The following DSCAM variants were observed in gnomAD, a reference collection of about 807,000 sequenced individuals.
DSCAM encodes cell adhesion molecule DSCAM.
A neutral mutation model predicts 217.7 loss-of-function variants in DSCAM; 47 were observed. That is an observed-to-expected ratio of 0.22 (90% CI 0.17 to 0.28). DSCAM has a LOEUF of 0.28. Ranked by LOEUF, DSCAM falls within the 10% of genes least tolerant of loss-of-function variation. The probability of loss-of-function intolerance (pLI) is 1.00; values close to 1 mark genes in which losing one functional copy is unlikely to be tolerated. For synonymous variants in DSCAM, 1,056 were observed against 1,015.3 expected (o/e 1.04, Z -0.76); for missense variants, 2,080 against 2,618.3 (o/e 0.79, Z 4.49).
chr21:40,152,656 G>C (rs202168336), intron 16 of DSCAM, among the ~76,000 whole-genome samples: 1 of 152,244 alleles, frequency 6.6e-6, no homozygotes, highest in Non-Finnish European at 1.5e-5. Flanking sequence ...GTCGCACCAT[G>C]TCAATGTATT....
At chr21:40,308,017 G>A (rs952203950) in intron 9 of DSCAM, among the ~76,000 whole-genome samples, 11 of 151,576 alleles carry the variant, frequency 7.3e-5, no homozygotes, top group African/African-American at 2.7e-4. Flanking sequence ...ACACCAGCAT[G>A]GCACATGTAT....
rs756859988 is a variant in DSCAM at position 40,827,482 on chromosome 21, A to AAAG, written c.43+19136_43+19137insCTT. Among the ~76,000 whole-genome samples, 816 of 137,060 alleles carry AAAG rather than the reference A, an allele frequency of 6.0e-3. 4 individuals are homozygous for AAAG. Among genetic ancestry groups the AAAG allele is most frequent in the African/African-American group, 0.015 (553 of 37,830 alleles). 89.9% of individuals were successfully genotyped at this position (137,060 alleles called of 152,430 possible). A position where few individuals can be genotyped will look rare whatever the true frequency, so the allele number is the denominator to read the frequency against. ...AGTCCATGTCTCAAAAAAAAAAAAA[A>AAAG]AAAAGAAAAGAAAGAAAGAAAATAA... On this transcript the variant is annotated intron_variant, in intron 1 of 32. Coordinates refer to ENST00000400454, the MANE Select transcript of DSCAM (RefSeq NM_001389.5).
chr21:40,354,385 T>A (rs138982086), intron 4 of DSCAM, among the ~76,000 whole-genome samples: 1 of 152,148 alleles, frequency 6.6e-6, no homozygotes, highest in East Asian at 2.0e-4. Context: ...AAATATTTTT[T>A]AAGTTAGTGG....
chr21:40,150,363 T>A (rs1381776885), intron 16 of DSCAM, among the ~76,000 whole-genome samples: 2 of 152,238 alleles, frequency 1.3e-5, no homozygotes, highest in Non-Finnish European at 2.9e-5. Context: ...TTTTTATGCA[T>A]AAAAGCAAGC....
intron 3 of DSCAM, chr21:40,385,214 C>T (rs934383032): frequency 3.9e-5 from 6 of 152,146 alleles, no homozygotes; most frequent in Non-Finnish European, 8.8e-5. Context: ...CTCACTTTTC[C>T]CATCCAACGT....
intron 15 of DSCAM, among the ~76,000 whole-genome samples, chr21:40,175,410 G>A (rs1034002203): frequency 2.0e-5 from 3 of 152,140 alleles, no homozygotes; most frequent in Non-Finnish European, 2.9e-5. Flanking sequence ...TACCGTGCCT[G>A]GCTCAGAAGT....
At chr21:40,364,046 G>A (rs1459736927) in intron 4 of DSCAM, among the ~76,000 whole-genome samples, 1 of 152,174 alleles carries the variant, frequency 6.6e-6, no homozygotes, top group East Asian at 1.9e-4. Flanking sequence ...TGGAGAGGAT[G>A]TGGAGAAATA....
intron 3 of DSCAM, among the ~76,000 whole-genome samples, chr21:40,674,626 CTTTTTCTTTT>C (rs1168512324): frequency 9.4e-5 from 10 of 105,898 alleles, no homozygotes; most frequent in African/African-American, 3.4e-4. Context: ...TTTTCTTTTT[CTTTTTCTTTT>C]TTTTTTTTTT....
intron 16 of DSCAM, among the ~76,000 whole-genome samples, chr21:40,155,802 A>C (rs1404159839): frequency 6.6e-6 from 1 of 152,082 alleles, no homozygotes; most frequent in African/African-American, 2.4e-5. Flanking sequence ...CCAACAAACC[A>C]CTGGGTCTGC....
At chr21:40,178,787 G>C in intron 15 of DSCAM, 140 bp downstream of exon 15, 2 of 969,994 alleles carry the variant, frequency 2.1e-6, no homozygotes, top group Non-Finnish European at 3.0e-6. Context: ...GTTTTTTATA[G>C]GGCACAGAAC....
At chr21:40,655,155 G>A (rs1320286412) in intron 3 of DSCAM, among the ~76,000 whole-genome samples, 1 of 152,168 alleles carries the variant, frequency 6.6e-6, no homozygotes, top group African/African-American at 2.4e-5. Flanking sequence ...ACAGCAACTA[G>A]ACATATTAGG....
At position 40,520,070 on chromosome 21, in the gene DSCAM, T is replaced by C. The variant is rs76756484; in HGVS notation, c.509-150825A>G. On this transcript the variant is annotated intron_variant, in intron 3 of 32. Coordinates refer to ENST00000400454, the MANE Select transcript of DSCAM (RefSeq NM_001389.5). ...CAGATCTTGCATCTATTAGAAGGCA[T>C]TTAACAACTCTAAATGAATATGTTT... Among the ~76,000 whole-genome samples the C allele has an allele frequency of 2.0e-3, 303 of 152,254 alleles. 11 individuals are homozygous for C. In the East Asian group the frequency reaches 0.047, roughly 23 times the overall value.
chr21:40,205,433 T>G (rs2091114031), intron 11 of DSCAM, among the ~76,000 whole-genome samples: 1 of 151,926 alleles, frequency 6.6e-6, no homozygotes, highest in African/African-American at 2.4e-5. Flanking sequence ...CAAAACCCCA[T>G]CTCTACTAAA....
intron 20 of DSCAM, among the ~76,000 whole-genome samples, chr21:40,120,603 C>T (rs62237614): frequency 0.05 from 7,658 of 152,244 alleles, 263 homozygotes; most frequent in Non-Finnish European, 0.079. Flanking sequence ...CCAGAATCCA[C>T]AAATTATGTG....
At chr21:40,751,836 A>G (rs1315950185) in intron 1 of DSCAM, among the ~76,000 whole-genome samples, 4 of 152,166 alleles carry the variant, frequency 2.6e-5, no homozygotes, top group African/African-American at 9.7e-5. Flanking sequence ...AAAAAAGACA[A>G]AGTTACATTT....
chr21:40,606,679 T>C (rs934814296), intron 3 of DSCAM, among the ~76,000 whole-genome samples: 8 of 152,222 alleles, frequency 5.3e-5, no homozygotes, highest in African/African-American at 1.9e-4. Flanking sequence ...CACTTCTGTA[T>C]GCGAGCTCAC....
intron 3 of DSCAM, among the ~76,000 whole-genome samples, chr21:40,465,431 T>C (rs113563939): frequency 6.6e-6 from 1 of 152,188 alleles, no homozygotes; most frequent in African/African-American, 2.4e-5. Context: ...CCTTCAATGA[T>C]GAGTAAACTG....
intron 4 of DSCAM, among the ~76,000 whole-genome samples, chr21:40,365,384 T>C (rs1214765188): frequency 6.6e-6 from 1 of 152,164 alleles, no homozygotes; most frequent in Non-Finnish European, 1.5e-5. Context: ...TCTTCAACTT[T>C]TAGACGCTTG....
intron 3 of DSCAM, among the ~76,000 whole-genome samples, chr21:40,485,444 G>T (rs908706466): frequency 1.3e-4 from 19 of 151,356 alleles, no homozygotes; most frequent in South Asian, 4.2e-4. Flanking sequence ...GGGTTTCACC[G>T]TGTTAGCCAG....
Sources: allele counts gnomAD v4.1 joint callset (sites outside exome capture counted in the v4.1 genomes callset), GRCh38; gene constraint gnomAD v4.1.1; transcripts MANE v1.5; gene names NCBI Gene and HGNC (gene_info 2026-07-23, HGNC 2026-07-21).